KIAA0825: variants seen among roughly 807,000 people sequenced by gnomAD.
KIAA0825 encodes KIAA0825, also known as uncharacterized protein KIAA0825.
In KIAA0825, 119 loss-of-function variants were observed where a neutral mutation model predicts 147.6. That is an observed-to-expected ratio of 0.81 (90% confidence interval 0.69 to 0.94). The LOEUF is 0.94. KIAA0825 is among the 40% of genes least tolerant of loss of function. The probability of loss-of-function intolerance (pLI) is 0.00; values close to 1 mark genes in which losing one functional copy is unlikely to be tolerated. For synonymous variants in KIAA0825, 470 were observed against 518.1 expected (o/e 0.91, Z 1.26); for missense variants, 1,381 against 1,472.7 (o/e 0.94, Z 1.02).
chr5:94,437,470 T>G (rs1756525639), intron 14 of KIAA0825, among the ~76,000 whole-genome samples: 1 of 152,160 alleles, frequency 6.6e-6, no homozygotes, highest in Admixed American at 6.6e-5. Context: ...GCAGGTTGGG[T>G]AAATACACTG....
rs181926494 is a variant in KIAA0825, at chr5:94,307,848, T to A, written c.3710+76520A>T. Among the ~76,000 whole-genome samples the A allele has an allele frequency of 2.1e-3, 324 of 151,902 alleles. 3 individuals carry two copies. Among genetic ancestry groups the A allele is most frequent in the African/African-American group, 7.6e-3 (317 of 41,514 alleles). ...TGTTCTCTTCCAAAGATGGTAATAT[T>A]GAAGGAAGGAGCATTCCTCCTATCA... On this transcript the variant is annotated intron_variant, in intron 20 of 20. Coordinates refer to ENST00000682413, the MANE Select transcript of KIAA0825 (RefSeq NM_001145678.3).
intron 1 of KIAA0825, among the ~76,000 whole-genome samples, chr5:94,607,145 G>A (rs1422595662): frequency 6.6e-6 from 1 of 151,956 alleles, no homozygotes; most frequent in African/African-American, 2.4e-5. Flanking sequence ...CCAGGCTAGT[G>A]GCTGGCACAT....
chr5:94,609,704 A>T (rs1031207811), intron 1 of KIAA0825, among the ~76,000 whole-genome samples: 1 of 152,092 alleles, frequency 6.6e-6, no homozygotes, highest in South Asian at 2.1e-4. Context: ...CTGAGGCAGG[A>T]GTGGGAGGCC....
intron 3 of KIAA0825, among the ~76,000 whole-genome samples, chr5:94,530,770 T>G (rs1013384525): frequency 6.6e-6 from 1 of 151,688 alleles, no homozygotes; most frequent in African/African-American, 2.4e-5. Flanking sequence ...TTCCCTCCCC[T>G]GTTTCTGCTT....
In KIAA0825 at chr5:94,484,949, A is replaced by T; in HGVS notation, c.971-19T>A. On this transcript the variant is annotated intron_variant, in intron 5 of 20. Coordinates refer to ENST00000682413, the MANE Select transcript of KIAA0825 (RefSeq NM_001145678.3). ...GTAGTAACTGTGAAAAGAAAAGATC[A>T]ATACTGTCATACATTTTATTTACCT... The T allele has an allele frequency of 7.0e-7, 1 of 1,434,912 alleles. No homozygotes were observed. The highest frequency in any genetic ancestry group is 9.3e-7 in the Non-Finnish European group (1 of 1,073,344). 88.9% of individuals were successfully genotyped at this position (1,434,912 alleles called of 1,614,324 possible). A position where few individuals can be genotyped will look rare whatever the true frequency, so the allele number is the denominator to read the frequency against.
chr5:94,427,702 T>G (rs1470900460), intron 14 of KIAA0825, among the ~76,000 whole-genome samples: 1 of 152,186 alleles, frequency 6.6e-6, no homozygotes, highest in Non-Finnish European at 1.5e-5. Context: ...TTCCAACTTT[T>G]ATTTTAATTT....
intron 2 of KIAA0825, among the ~76,000 whole-genome samples, chr5:94,577,368 T>C (rs1781256054): frequency 6.6e-6 from 1 of 152,098 alleles, no homozygotes; most frequent in Non-Finnish European, 1.5e-5. Flanking sequence ...AAGAGGACAA[T>C]GTTGCAAAAA....
intron 5 of KIAA0825, chr5:94,519,149 T>C (rs969238107): frequency 2.4e-6 from 2 of 820,736 alleles, no homozygotes; most frequent in Non-Finnish European, 2.9e-6. Flanking sequence ...AGATATAGCT[T>C]CTGGAGGAAA....
chr5:94,294,755 C>G (rs1778060813), intron 20 of KIAA0825, among the ~76,000 whole-genome samples: 1 of 152,186 alleles, frequency 6.6e-6, no homozygotes, highest in South Asian at 2.1e-4. Context: ...GGCCCCCACT[C>G]TCTTCTGGCT....
At chr5:94,543,412 C>A (rs865861715) in intron 2 of KIAA0825, among the ~76,000 whole-genome samples, 4 of 152,204 alleles carry the variant, frequency 2.6e-5, no homozygotes, top group Middle Eastern at 3.4e-3. Flanking sequence ...CACTGTACTC[C>A]AGCCTGGATG....
intron 1 of KIAA0825, among the ~76,000 whole-genome samples, chr5:94,584,958 G>A (rs1207501129): frequency 4.6e-5 from 7 of 152,002 alleles, no homozygotes; most frequent in Non-Finnish European, 1.0e-4. Context: ...TAAGGGCAGG[G>A]GAAATAAAAT....
At chr5:94,488,288 G>A (rs933779766) in intron 5 of KIAA0825, among the ~76,000 whole-genome samples, 3 of 152,172 alleles carry the variant, frequency 2.0e-5, no homozygotes, top group African/African-American at 7.2e-5. Flanking sequence ...CTATGGGACT[G>A]TTGTGCTTCA....
Position 94,524,039 on chromosome 5 carries a change from T to G in KIAA0825, c.191A>C (p.Gln64Pro). Residue 64 changes from glutamine to proline, a missense_variant, in exon 4 of 21, where the codon CAG becomes CCG. Gln to Pro is a moderately conservative substitution (Grantham distance 76). Transcript: ENST00000682413. ...AAAGCAGTCAGTTGTTGTTTGCAGC[T>G]GCACACCTGGACATTGTTTGTTAAT... is the stretch of plus-strand genomic sequence containing the variant. ...SEINKQCPGV[Q>P]LQTTTDCFEW... 1 of 1,610,380 alleles carries G rather than the reference T, an allele frequency of 6.2e-7. No individual in the cohort carries two copies. The highest frequency in any genetic ancestry group is 8.5e-7 in the Non-Finnish European group (1 of 1,177,500).
At chr5:94,515,000 TAA>T (rs902457018) in intron 5 of KIAA0825, among the ~76,000 whole-genome samples, 1 of 152,212 alleles carries the variant, frequency 6.6e-6, no homozygotes, top group Non-Finnish European at 1.5e-5. Context: ...CATATTCTCC[TAA>T]GTCTTCCTTT....
chr5:94,279,630 T>G (rs1254920465), intron 20 of KIAA0825, among the ~76,000 whole-genome samples: 1 of 152,016 alleles, frequency 6.6e-6, no homozygotes, highest in African/African-American at 2.4e-5. Flanking sequence ...CTTCCTTTTC[T>G]CTCCTCACCT....
At chr5:94,390,326 A>G (rs1048390331) in intron 18 of KIAA0825, among the ~76,000 whole-genome samples, 1 of 152,208 alleles carries the variant, frequency 6.6e-6, no homozygotes, top group South Asian at 2.1e-4. Flanking sequence ...GTTCCTCAGT[A>G]GTTGTCACAA....
At chr5:94,255,311 C>T (rs544021904) in intron 20 of KIAA0825, among the ~76,000 whole-genome samples, 1 of 151,888 alleles carries the variant, frequency 6.6e-6, no homozygotes, top group Non-Finnish European at 1.5e-5. Flanking sequence ...ATGTATTATA[C>T]AAACAAACTT....
chr5:94,201,576 TA>T (rs1411239501), intron 20 of KIAA0825, among the ~76,000 whole-genome samples: 1 of 151,098 alleles, frequency 6.6e-6, no homozygotes, highest in Admixed American at 6.6e-5. Flanking sequence ...CCTTGCTAAT[TA>T]AAAAAAAGGT....
At chr5:94,289,114 T>C (rs1365461379) in intron 20 of KIAA0825, among the ~76,000 whole-genome samples, 1 of 152,214 alleles carries the variant, frequency 6.6e-6, no homozygotes, top group Admixed American at 6.5e-5. Flanking sequence ...AGGTCATTCA[T>C]TGGCTGAGAA....
Sources: allele counts gnomAD v4.1 joint callset (sites outside exome capture counted in the v4.1 genomes callset), GRCh38; gene constraint gnomAD v4.1.1; transcripts MANE v1.5; gene names NCBI Gene and HGNC (gene_info 2026-07-23, HGNC 2026-07-21).